The following TRHDE variants were observed in gnomAD, a reference collection of about 807,000 sequenced individuals.
The protein encoded by TRHDE is thyrotropin releasing hormone degrading enzyme.
A neutral mutation model predicts 125.7 loss-of-function variants in TRHDE; 72 were observed. The ratio of observed to expected loss-of-function variants is 0.57; its 90% CI spans 0.47 to 0.70. TRHDE has a LOEUF of 0.70. Ranked by LOEUF, TRHDE falls within the 30% of genes least tolerant of loss-of-function variation. The pLI is 0.00. For synonymous variants in TRHDE, 509 were observed against 509.1 expected (o/e 1.00, Z 0.00); for missense variants, 1,110 against 1,327.1 (o/e 0.84, Z 2.54).
At chr12:72,269,586 A>G (rs1879146737), upstream of TRHDE, among the ~76,000 whole-genome samples, 1 of 152,194 alleles carries the variant, frequency 6.6e-6, no homozygotes, top group African/African-American at 2.4e-5. Flanking sequence ...GAAAGAGATA[A>G]CAGACTGAGA....
At chr12:72,225,716 C>G (rs1265614297) in intron 2 of TRHDE, among the ~76,000 whole-genome samples, 1 of 152,040 alleles carries the variant, frequency 6.6e-6, no homozygotes, top group East Asian at 1.9e-4. Context: ...TATTGTATTC[C>G]TAAAGAAACC....
At chr12:72,353,970 A>C (rs529835840) in intron 2 of TRHDE, among the ~76,000 whole-genome samples, 2 of 151,696 alleles carry the variant, frequency 1.3e-5, no homozygotes, top group South Asian at 4.1e-4. Flanking sequence ...ATGCACATGG[A>C]GACGTGCACT....
intron 2 of TRHDE, among the ~76,000 whole-genome samples, chr12:72,173,302 G>T (rs1592469505): frequency 1.3e-5 from 2 of 152,288 alleles, no homozygotes; most frequent in South Asian, 4.1e-4. Flanking sequence ...AAAGCTAGGA[G>T]AGGTTGCTGT....
chr12:72,631,475 G>C (rs553898743), intron 15 of TRHDE, among the ~76,000 whole-genome samples: 1 of 151,848 alleles, frequency 6.6e-6, no homozygotes, highest in South Asian at 2.1e-4. Flanking sequence ...AATTATATCA[G>C]TATTCCTTAA....
chr12:72,198,912 C>T (rs552073676), intron 2 of TRHDE, among the ~76,000 whole-genome samples: 3 of 151,592 alleles, frequency 2.0e-5, no homozygotes, highest in East Asian at 3.9e-4. Flanking sequence ...GGAGCAGGCA[C>T]GTCTTACCAT....
intron 15 of TRHDE, among the ~76,000 whole-genome samples, chr12:72,640,057 G>C (rs1348161255): frequency 6.6e-6 from 1 of 152,190 alleles, no homozygotes; most frequent in Non-Finnish European, 1.5e-5. Flanking sequence ...CTGCTGCTTT[G>C]TTTACCTAAG....
chr12:72,440,684 G>A (rs1180923213), intron 3 of TRHDE, among the ~76,000 whole-genome samples: 2 of 151,834 alleles, frequency 1.3e-5, no homozygotes, highest in African/African-American at 4.8e-5. Context: ...GTAAGTGGTA[G>A]ACTCAGGATT....
chr12:72,590,942 A>G (rs569159793), intron 12 of TRHDE, among the ~76,000 whole-genome samples: 1 of 152,168 alleles, frequency 6.6e-6, no homozygotes, highest in Non-Finnish European at 1.5e-5. Context: ...TTCCATTTGT[A>G]TTAGTCTGTT....
intron 2 of TRHDE, among the ~76,000 whole-genome samples, chr12:72,138,887 C>A (rs537695724): frequency 1.3e-5 from 2 of 152,300 alleles, no homozygotes; most frequent in African/African-American, 4.8e-5. Context: ...GTCCTCAACA[C>A]TTTTATGGTG....
At chr12:72,223,653 A>G (rs1878043958) in intron 2 of TRHDE, among the ~76,000 whole-genome samples, 1 of 152,142 alleles carries the variant, frequency 6.6e-6, no homozygotes, top group Admixed American at 6.6e-5. Flanking sequence ...TAATCAGTAT[A>G]TTCAGCAATA....
intron 7 of TRHDE, among the ~76,000 whole-genome samples, chr12:72,551,063 C>T (rs770177062): frequency 2.6e-5 from 4 of 151,812 alleles, no homozygotes; most frequent in Non-Finnish European, 5.9e-5. Flanking sequence ...TTTTTAGTAA[C>T]TTTATATAGT....
chr12:72,358,962 C>G (rs1379843373), intron 2 of TRHDE, among the ~76,000 whole-genome samples: 1 of 151,310 alleles, frequency 6.6e-6, no homozygotes, highest in African/African-American at 2.4e-5. Context: ...ACCACTGCCC[C>G]CTCCACAAAA....
intron 2 of TRHDE, among the ~76,000 whole-genome samples, chr12:72,373,232 A>T: frequency 6.6e-6 from 1 of 152,176 alleles, no homozygotes; most frequent in Non-Finnish European, 1.5e-5. Context: ...ATTTTTGTAC[A>T]TTGATTTTGT....
chr12:72,219,900 T>C (rs1385315), intron 2 of TRHDE, among the ~76,000 whole-genome samples: 113,895 of 152,106 alleles, frequency 0.75, 42,915 homozygotes, highest in South Asian at 0.78. Context: ...AATTAAAACA[T>C]AACATGGTAA....
intron 1 of TRHDE, among the ~76,000 whole-genome samples, chr12:72,095,241 C>G (rs1449778835): frequency 6.6e-6 from 1 of 152,182 alleles, no homozygotes; most frequent in Admixed American, 6.5e-5. Flanking sequence ...CACCCACGGA[C>G]CCCTGTTATT....
At chr12:72,108,660 A>C (rs1475636445) in intron 2 of TRHDE, among the ~76,000 whole-genome samples, 2 of 152,114 alleles carry the variant, frequency 1.3e-5, no homozygotes, top group Non-Finnish European at 2.9e-5. Flanking sequence ...TATTTGCGAG[A>C]ACCTGGTGTT....
intron 8 of TRHDE, among the ~76,000 whole-genome samples, 163 bp downstream of exon 8, chr12:72,562,393 A>G (rs1468614682): frequency 6.6e-6 from 1 of 151,952 alleles, no homozygotes; most frequent in Non-Finnish European, 1.5e-5. Context: ...ATTGTAAAAT[A>G]AAGGGGTTTA....
intron 3 of TRHDE, among the ~76,000 whole-genome samples, chr12:72,409,514 A>G (rs1873406499): frequency 1.3e-5 from 2 of 152,176 alleles, no homozygotes; most frequent in African/African-American, 4.8e-5. Flanking sequence ...GTGACAAGCA[A>G]CACTCCTGAG....
intron 2 of TRHDE, among the ~76,000 whole-genome samples, chr12:72,331,360 A>ACCTAAAAT (rs1565701466): frequency 7.4e-6 from 1 of 134,896 alleles, no homozygotes; most frequent in South Asian, 2.4e-4. Context: ...CCAAGAAAAT[A>ACCTAAAAT]ATGGAAAAAG....
Sources: allele counts gnomAD v4.1 joint callset (sites outside exome capture counted in the v4.1 genomes callset), GRCh38; gene constraint gnomAD v4.1.1; transcripts MANE v1.5; gene names NCBI Gene and HGNC (gene_info 2026-07-23, HGNC 2026-07-21).